Variants in ESR1 observed in about 807,000 individuals in gnomAD.
The protein encoded by ESR1 is estrogen receptor 1.
Under a neutral mutation model 52.7 loss-of-function variants are expected in ESR1, and 12 were observed. The ratio of observed to expected loss-of-function variants is 0.23; its 90% CI spans 0.15 to 0.37. ESR1 has a LOEUF of 0.37. Among genes scored for constraint, ESR1 ranks in the 10% least tolerant of loss-of-function variants. ESR1 has a pLI of 1.00. For synonymous variants in ESR1, 305 were observed against 316.8 expected, an observed-to-expected ratio of 0.96 and a Z score of 0.39; for missense variants, 584 against 779.7, an observed-to-expected ratio of 0.75 and a Z score of 2.99.
At chr6:151,908,455 A>G (rs1584139581) in intron 3 of ESR1, among the ~76,000 whole-genome samples, 1 of 152,270 alleles carries the variant, frequency 6.6e-6, no homozygotes, top group Middle Eastern at 3.4e-3. Flanking sequence ...TGAAATGTCA[A>G]TAGCAGATGA....
intron 4 of ESR1, among the ~76,000 whole-genome samples, chr6:151,954,097 A>T (rs1011641022): frequency 6.6e-6 from 1 of 152,218 alleles, no homozygotes; most frequent in East Asian, 1.9e-4. Flanking sequence ...GTACATTGAA[A>T]TAGAATGTTA....
At chr6:151,993,504 G>C (rs2041212132) in intron 4 of ESR1, among the ~76,000 whole-genome samples, 1 of 152,172 alleles carries the variant, frequency 6.6e-6, no homozygotes, top group African/African-American at 2.4e-5. Context: ...AACAAGTCAA[G>C]GAAAGGACCA....
rs9340802 is a variant in ESR1, at chr6:151,842,648, C to A, written c.504C>A (p.Thr168=). The A allele has an allele frequency of 6.2e-7, 1 of 1,613,820 alleles. No homozygotes were observed. Among genetic ancestry groups the A allele is most frequent in the Non-Finnish European group, 8.5e-7 (1 of 1,179,904 alleles). ...GTGGCAGAGAAAGATTGGCCAGTAC[C>A]AATGACAAGGGAAGTATGGCTATGG... The part of the protein sequence containing the change: ...RQGGRERLAS[T]NDKGSMAMES... Residue 168 remains threonine (T), a synonymous_variant, in exon 2 of 8, where the codon ACC becomes ACA. Coordinates refer to ENST00000206249, the MANE Select transcript of ESR1 (RefSeq NM_000125.4).
chr6:152,071,820 C>T (rs1489894219), intron 6 of ESR1, among the ~76,000 whole-genome samples: 2 of 152,114 alleles, frequency 1.3e-5, no homozygotes, highest in East Asian at 1.9e-4. Context: ...ATTTGTTTTG[C>T]ATTTTTTTCA....
chr6:151,936,845 G>T (rs1018185709), intron 3 of ESR1, among the ~76,000 whole-genome samples: 1 of 152,166 alleles, frequency 6.6e-6, no homozygotes, highest in Non-Finnish European at 1.5e-5. Flanking sequence ...GTATAAGGTA[G>T]CACATCATAG....
intron 3 of ESR1, among the ~76,000 whole-genome samples, chr6:151,896,417 T>C (rs1054880057): frequency 6.6e-6 from 1 of 152,130 alleles, no homozygotes; most frequent in Non-Finnish European, 1.5e-5. Flanking sequence ...AGCTAGGAGG[T>C]TTGTATCTTT....
chr6:152,027,726 A>G (rs1331205769), intron 5 of ESR1, among the ~76,000 whole-genome samples: 2 of 152,208 alleles, frequency 1.3e-5, no homozygotes, highest in Non-Finnish European at 2.9e-5. Context: ...ATAAATTGCA[A>G]TACTTTTATT....
At chr6:151,659,533 G>A (rs1777567682) in intron 1 of ESR1, among the ~76,000 whole-genome samples, 1 of 152,158 alleles carries the variant, frequency 6.6e-6, no homozygotes, top group Non-Finnish European at 1.5e-5. Context: ...GTTTCTCATG[G>A]CTAATGAATG....
intron 2 of ESR1, among the ~76,000 whole-genome samples, chr6:151,754,631 T>G (rs1784143669): frequency 6.6e-6 from 1 of 152,170 alleles, no homozygotes; most frequent in Admixed American, 6.5e-5. Flanking sequence ...TCTTGAGACC[T>G]CCCTCGACCC....
Position 152,000,404 on chromosome 6 carries a change from C to T in ESR1, c.1097-11252C>T, listed in dbSNP as rs1015336092. ...TAATATCATATTCTACATAGAAAAA[C>T]TTAACAGTCCTGTTGAGACACTTGG... is the stretch of plus-strand genomic sequence containing the variant. On this transcript the variant is annotated intron_variant, in intron 4 of 7. Transcript: ENST00000206249. Among the ~76,000 whole-genome samples the T allele has an allele frequency of 2.0e-5, 3 of 151,998 alleles. No homozygotes were observed. The South Asian group carries it at 6.2e-4, about 31-fold the overall frequency.
intron 2 of ESR1, among the ~76,000 whole-genome samples, chr6:151,796,870 C>G (rs1448799563): frequency 1.3e-5 from 2 of 152,346 alleles, no homozygotes; most frequent in Admixed American, 6.5e-5. Context: ...CAACAGAAAT[C>G]ATCTTCACCA....
intron 3 of ESR1, among the ~76,000 whole-genome samples, chr6:151,917,108 A>T (rs1404233808): frequency 8.6e-5 from 13 of 151,806 alleles, no homozygotes; most frequent in Admixed American, 8.5e-4. Context: ...CAAATTAAAG[A>T]CAACAGGGGC....
intron 5 of ESR1, among the ~76,000 whole-genome samples, chr6:152,013,713 A>G (rs2042955566): frequency 6.6e-6 from 1 of 152,152 alleles, no homozygotes; most frequent in African/African-American, 2.4e-5. Flanking sequence ...TGTACACTCC[A>G]GTGGTGGCTA....
intron 2 of ESR1, among the ~76,000 whole-genome samples, chr6:151,858,249 G>A (rs981453542): frequency 5.9e-5 from 9 of 152,204 alleles, no homozygotes; most frequent in African/African-American, 1.9e-4. Flanking sequence ...TCATAGCAGA[G>A]GAAAGCCTGT....
chr6:152,033,199 C>A (rs1387558127), intron 5 of ESR1, among the ~76,000 whole-genome samples: 1 of 152,012 alleles, frequency 6.6e-6, no homozygotes, highest in East Asian at 1.9e-4. Flanking sequence ...TAGAAGAAAA[C>A]CTAGGCAATA....
At chr6:151,807,319 GAC>G (rs1778027851), upstream of ESR1, 1 of 184,244 alleles carries the variant, frequency 5.4e-6, no homozygotes. Flanking sequence ...CAGAAAGAGA[GAC>G]AAACAGAGAT....
rs1418954526 is a variant in ESR1, at chr6:151,916,617, C to G, written c.761-27556C>G. Among the ~76,000 whole-genome samples the G allele has an allele frequency of 2.6e-5, 4 of 152,088 alleles. No individual in the cohort carries two copies. In the East Asian group the frequency reaches 7.7e-4, roughly 29 times the overall value. On this transcript the variant is annotated intron_variant, in intron 3 of 7. Coordinates refer to ENST00000206249, the MANE Select transcript of ESR1 (RefSeq NM_000125.4). ...CTCTATTAAAATTTGAGTGGTAAAA[C>G]TTTGTGATGATTCAGGCTCTTCATA... is the stretch of plus-strand genomic sequence containing the variant.
upstream of ESR1, among the ~76,000 whole-genome samples, chr6:151,803,021 C>T (rs1777418745): frequency 1.3e-5 from 2 of 151,528 alleles, no homozygotes; most frequent in South Asian, 4.1e-4. Flanking sequence ...TAGAATGTCA[C>T]ATGGAAAGTT....
intron 2 of ESR1, among the ~76,000 whole-genome samples, chr6:151,773,325 T>C (rs989714335): frequency 2.0e-5 from 3 of 152,198 alleles, no homozygotes; most frequent in Non-Finnish European, 4.4e-5. Flanking sequence ...GAACCAACCC[T>C]GCCAATGCTT....
Sources: gnomAD v4.1 joint callset for allele counts (sites outside exome capture counted in the v4.1 genomes callset) on GRCh38, gnomAD v4.1.1 for gene constraint, MANE v1.5 for transcripts, NCBI Gene and HGNC (gene_info 2026-07-23, HGNC 2026-07-21) for gene names.